Variants in TTLL6 observed in about 807,000 individuals in gnomAD.
TTLL6 encodes the protein tubulin tyrosine ligase like 6, also known as tubulin polyglutamylase TTLL6.
In TTLL6, 75 loss-of-function variants were observed where a neutral mutation model predicts 96.4. That is an observed-to-expected ratio of 0.78 (90% CI 0.65 to 0.94). The LOEUF is 0.94. TTLL6 is among the 40% of genes least tolerant of loss of function. The pLI is 0.00. For synonymous variants in TTLL6, 411 were observed against 419.4 expected, an observed-to-expected ratio of 0.98 and a Z score of 0.24; for missense variants, 1,030 against 1,093.0, an observed-to-expected ratio of 0.94 and a Z score of 0.81.
At chr17:48,767,848 T>C (rs917448491) in intron 15 of TTLL6, among the ~76,000 whole-genome samples, 3 of 152,158 alleles carry the variant, frequency 2.0e-5, no homozygotes, top group Non-Finnish European at 4.4e-5. Flanking sequence ...TCTCAGTCTC[T>C]GCTGTCCTGT....
intron 13 of TTLL6, among the ~76,000 whole-genome samples, chr17:48,784,616 G>C (rs1307144578): frequency 6.6e-6 from 1 of 152,130 alleles, no homozygotes; most frequent in South Asian, 2.1e-4. Context: ...CAGACTTCCA[G>C]CCTCAAGAAC....
chr17:48,793,571 G>C (rs2039265362), intron 8 of TTLL6, among the ~76,000 whole-genome samples: 2 of 151,530 alleles, frequency 1.3e-5, no homozygotes, highest in South Asian at 4.2e-4. Flanking sequence ...CTCCAGTCTG[G>C]GGTGACAAGA....
At chr17:48,798,492 G>A (rs1414718400) in intron 6 of TTLL6, among the ~76,000 whole-genome samples, 1 of 151,912 alleles carries the variant, frequency 6.6e-6, no homozygotes, top group East Asian at 2.0e-4. Flanking sequence ...ACTTGAACCT[G>A]AGAGGCAGAG....
At chr17:48,798,118 A>G (rs1262091212) in intron 6 of TTLL6, among the ~76,000 whole-genome samples, 1 of 151,846 alleles carries the variant, frequency 6.6e-6, no homozygotes, top group African/African-American at 2.4e-5. Context: ...AAAAAAAATA[A>G]ATAGATAAAA....
chr17:48,793,571 G>A (rs2039265362), intron 8 of TTLL6, among the ~76,000 whole-genome samples: 1 of 151,530 alleles, frequency 6.6e-6, no homozygotes, highest in Non-Finnish European at 1.5e-5. Context: ...CTCCAGTCTG[G>A]GGTGACAAGA....
chr17:48,764,308 A>G (rs1009967030), intron 15 of TTLL6, among the ~76,000 whole-genome samples: 1 of 152,244 alleles, frequency 6.6e-6, no homozygotes, highest in Non-Finnish European at 1.5e-5. Flanking sequence ...TCAGGGCGCC[A>G]TTCCTCACAT....
At chr17:48,782,018 T>G (rs1048699621) in intron 13 of TTLL6, among the ~76,000 whole-genome samples, 1 of 152,194 alleles carries the variant, frequency 6.6e-6, no homozygotes, top group Non-Finnish European at 1.5e-5. Context: ...TTACGCAGTC[T>G]AAGGCATTTG....
chr17:48,794,066 G>T, intron 8 of TTLL6: 1 of 1,346,408 alleles, frequency 7.4e-7, no homozygotes, highest in Non-Finnish European at 1.0e-6. Context: ...GCAAGGGCAG[G>T]CGGAGGCCAC....
chr17:48,788,637 G>A (rs945318608), intron 10 of TTLL6, among the ~76,000 whole-genome samples: 3 of 152,166 alleles, frequency 2.0e-5, no homozygotes. Context: ...ATGGTGGAAG[G>A]CATCCTGGAA....
intron 11 of TTLL6, among the ~76,000 whole-genome samples, chr17:48,786,715 G>C (rs2039104433): frequency 6.6e-6 from 1 of 152,186 alleles, no homozygotes; most frequent in Middle Eastern, 3.2e-3. Context: ...CATTTCATGT[G>C]CTGGGCCTGT....
At position 48,786,153 on chromosome 17, in the gene TTLL6, T is replaced by C. The variant is rs557952599; in HGVS notation, c.1761+11A>G. ...GTGTGGCTACGTGTGTTCCCCTCAA[T>C]CCAGGTTTACCTGTTTGGAGGCTTG... On this transcript the variant is annotated intron_variant, in intron 12 of 15. Transcript: ENST00000393382. 4 of 1,614,160 alleles carry C rather than the reference T, an allele frequency of 2.5e-6. No individual in the cohort carries two copies. Among genetic ancestry groups the C allele is most frequent in the Admixed American group, 3.3e-5 (2 of 60,026 alleles).
chr17:48,769,474 C>T (rs879666825), intron 14 of TTLL6, among the ~76,000 whole-genome samples: 4 of 152,210 alleles, frequency 2.6e-5, no homozygotes, highest in Admixed American at 6.5e-5. Flanking sequence ...GAATGAGCCT[C>T]ATGTGAATGA....
intron 13 of TTLL6, among the ~76,000 whole-genome samples, chr17:48,774,380 T>A (rs2038829790): frequency 6.6e-6 from 1 of 151,650 alleles, no homozygotes; most frequent in African/African-American, 2.4e-5. Context: ...CCCAGGCTGT[T>A]CTCGAACTCC....
rs1047576220 is a variant in TTLL6, at chr17:48,789,344, C to T, written c.1400+587G>A. Among the ~76,000 whole-genome samples the T allele has an allele frequency of 2.6e-5, 4 of 152,216 alleles. No individual in the cohort carries two copies. The South Asian group carries it at 8.3e-4, about 31-fold the overall frequency. On this transcript the variant is annotated intron_variant, in intron 10 of 15. Transcript: ENST00000393382. ...CGTTTGTTAAAATGACCCCCTCCAA[C>T]TCCAGGCAAGATTGTAATAGCCTTC...
chr17:48,796,245 G>C, intron 7 of TTLL6, 99 bp from the exon 8 acceptor site: 1 of 904,946 alleles, frequency 1.1e-6, no homozygotes, highest in South Asian at 1.6e-5. Context: ...TGAAGGGATG[G>C]AAAGAAAGGG....
intron 13 of TTLL6, among the ~76,000 whole-genome samples, chr17:48,784,455 T>C (rs373247629): frequency 3.6e-4 from 54 of 151,374 alleles, no homozygotes; most frequent in Middle Eastern, 3.5e-3. Context: ...GAAAGCCACA[T>C]GACACCAGAG....
chr17:48,815,329 C>T (rs191715950), intron 1 of TTLL6: 5 of 152,294 alleles, frequency 3.3e-5, no homozygotes, highest in Admixed American at 2.6e-4. Flanking sequence ...TTTTCCTTCA[C>T]GTACCTCCTT....
At position 48,773,076 on chromosome 17, in the gene TTLL6, C is replaced by G. The variant is rs1179979388; in HGVS notation, c.2041-2979G>C. ...GGTATAATAATTGAAATAAAAAATT[C>G]ACTGAATGGGCTTAATGGCAGACAA... On this transcript the variant is annotated intron_variant, in intron 13 of 15. Coordinates refer to ENST00000393382, the MANE Select transcript of TTLL6 (RefSeq NM_001130918.3). 2.0e-5 allele frequency among the ~76,000 whole-genome samples: 3 copies of G among 152,194 alleles called. No individual in the cohort carries two copies. In the East Asian group the frequency reaches 5.8e-4, roughly 29 times the overall value.
chr17:48,791,290 T>C, intron 9 of TTLL6, 88 bp downstream of exon 9: 1 of 1,203,990 alleles, frequency 8.3e-7, no homozygotes, highest in Non-Finnish European at 1.2e-6. Flanking sequence ...GTTGAAACAA[T>C]TTAGGTGAGC....
Sources: allele counts gnomAD v4.1 joint callset (sites outside exome capture counted in the v4.1 genomes callset), GRCh38; gene constraint gnomAD v4.1.1; transcripts MANE v1.5; gene names NCBI Gene and HGNC (gene_info 2026-07-23, HGNC 2026-07-21).